The following IDH2 variants were observed in gnomAD, a reference collection of about 807,000 sequenced individuals.
IDH2 encodes the protein isocitrate dehydrogenase [NADP], mitochondrial.
A neutral mutation model predicts 50.5 loss-of-function variants in IDH2; 18 were observed. The observed-to-expected ratio is 0.36, with a 90% CI of 0.25 to 0.53. IDH2 has a LOEUF of 0.53. Among genes scored for constraint, IDH2 ranks in the 20% least tolerant of loss-of-function variants. The pLI is 0.92. For synonymous variants in IDH2, 280 were observed against 239.8 expected (o/e 1.17, Z -1.55); for missense variants, 518 against 610.7 (o/e 0.85, Z 1.60).
chr15:90,084,487 G>A lies in IDH2; in HGVS notation c.1272-134C>T. The A allele has an allele frequency of 1.2e-6, 1 of 823,048 alleles. No homozygotes were observed. The highest frequency in any genetic ancestry group is 2.0e-6 in the Non-Finnish European group (1 of 495,960). 51.0% of individuals were successfully genotyped at this position (823,048 alleles called of 1,614,324 possible). ...CCTGCCACCCAGACTACAGGCCAGA[G>A]GCCAGCTATAGCCCCCTACCATGAG... On this transcript the variant is annotated intron_variant, in intron 10 of 10. Coordinates refer to ENST00000330062, the MANE Select transcript of IDH2 (RefSeq NM_002168.4). This position sits in a 1 kb window ranked among gnomAD's most constrained non-coding sequence, Gnocchi z 5.0.
intron 1 of IDH2, among the ~76,000 whole-genome samples, chr15:90,093,785 A>T (rs1481633665): frequency 1.3e-5 from 2 of 151,964 alleles, no homozygotes; most frequent in African/African-American, 4.8e-5. Flanking sequence ...AGGCCCGGCT[A>T]ATTTTTGTAT....
At position 90,087,552 on chromosome 15, in the gene IDH2, G is replaced by A. The variant is rs1217522023; in HGVS notation, c.702C>T (p.Ser234=). ...TDESISGFAH[S]CFQYAIQKKW... ...TCTTCTGGATGGCATACTGGAAGCA[G>A]CTGTGCGCAAAACCTGAGATGGACT... Residue 234 remains serine (S), a synonymous_variant, in exon 6 of 11, where the codon AGC becomes AGT. Transcript: ENST00000330062. 6.2e-7 allele frequency: 1 copy of A among 1,613,770 alleles called. No homozygotes were observed. Among genetic ancestry groups the A allele is most frequent in the Non-Finnish European group, 8.5e-7 (1 of 1,180,046 alleles).
At chr15:90,089,930 G>A (rs1239173322) in intron 3 of IDH2, among the ~76,000 whole-genome samples, 1 of 152,206 alleles carries the variant, frequency 6.6e-6, no homozygotes, top group Non-Finnish European at 1.5e-5. Context: ...CAACAGCAAT[G>A]TTCCCCAGAG....
At chr15:90,090,378 C>T (rs976520537) in intron 3 of IDH2, 101 bp downstream of exon 3, 77 of 1,317,166 alleles carry the variant, frequency 5.8e-5, no homozygotes, top group Non-Finnish European at 6.7e-5. Flanking sequence ...CTCCCAGTCC[C>T]GAGATGAGTG....
At position 90,098,780 on chromosome 15, in the gene IDH2, C is replaced by G. The variant is rs933315373; in HGVS notation, c.115+3496G>C. On this transcript the variant is annotated intron_variant, in intron 1 of 10. Transcript: ENST00000330062. This position sits in a 1 kb window ranked among gnomAD's most constrained non-coding sequence, Gnocchi z 5.1. Reference sequence around the variant, plus strand: ...GCAGGTCTCGAACTCCTGGCCCCAACTGATCCGCCTGCTTCGGCCTCCCAA... The same window carrying G: ...GCAGGTCTCGAACTCCTGGCCCCAAGTGATCCGCCTGCTTCGGCCTCCCAA... Among the ~76,000 whole-genome samples the G allele has an allele frequency of 3.9e-5, 6 of 152,174 alleles. No homozygotes were observed. The highest frequency in any genetic ancestry group is 1.4e-4 in the African/African-American group (6 of 41,430).
In IDH2 at chr15:90,100,425, A is replaced by G. The variant is rs1901298423; in HGVS notation, c.115+1851T>C. Among the ~76,000 whole-genome samples the G allele has an allele frequency of 6.6e-6, 1 of 152,170 alleles. No individual in the cohort carries two copies. Among genetic ancestry groups the G allele is most frequent in the South Asian group, 2.1e-4 (1 of 4,824 alleles). ...CCCAATCAGCTCTGGCAGGGCAGCT[A>G]GGGCCTTATCTGACGTGGCAGAAAG... On this transcript the variant is annotated intron_variant, in intron 1 of 10. Coordinates refer to ENST00000330062, the MANE Select transcript of IDH2 (RefSeq NM_002168.4). This position sits in a 1 kb window ranked among gnomAD's most constrained non-coding sequence, Gnocchi z 4.1.
At chr15:90,099,340 C>G (rs1292116416) in intron 1 of IDH2, among the ~76,000 whole-genome samples, 1 of 152,196 alleles carries the variant, frequency 6.6e-6, no homozygotes, top group African/African-American at 2.4e-5. Context: ...AGTCCCTCTT[C>G]CCCCAATACC....
intron 2 of IDH2, among the ~76,000 whole-genome samples, chr15:90,090,874 G>A (rs888640049): frequency 2.6e-5 from 4 of 152,172 alleles, no homozygotes; most frequent in Non-Finnish European, 4.4e-5. Flanking sequence ...AGGCCAGGCC[G>A]CAGTCTTTTG....
chr15:90,088,279 A>G, intron 5 of IDH2, 80 bp downstream of exon 5: 1 of 1,563,360 alleles, frequency 6.4e-7, no homozygotes, highest in Admixed American at 1.7e-5. Flanking sequence ...AGGCCATTAC[A>G]GAAGAAAGGA....
intron 1 of IDH2, among the ~76,000 whole-genome samples, chr15:90,092,561 A>G (rs933248454): frequency 2.7e-5 from 4 of 148,722 alleles, no homozygotes; most frequent in Non-Finnish European, 5.9e-5. Flanking sequence ...GCATGCCACC[A>G]CACCCAGCTA....
Position 90,090,493 on chromosome 15 carries a change from T to C in IDH2, c.359A>G (p.Glu120Gly), listed in dbSNP as rs2151551220. The change falls in exon 3 of 11, where the codon GAG (glutamate) becomes GGG (glycine). Residue 120 changes from glutamate (E) to glycine (G), a missense_variant. This residue lies in a region of IDH2 where 68 missense variants were observed against 109.7 expected (regional missense o/e 0.62). Coordinates refer to ENST00000330062, the MANE Select transcript of IDH2 (RefSeq NM_002168.4). ...CACCCTCGCACCTTCCACACGGGCC[T>C]CATCAGGGGTGATGGTGGCACACTT... ...AVKCATITPDEARVEEFKLKK... is the reference protein window; with the variant it reads ...AVKCATITPDGARVEEFKLKK... 1 of 1,613,570 alleles carries C rather than the reference T, an allele frequency of 6.2e-7. No individual in the cohort carries two copies. Among genetic ancestry groups the C allele is most frequent in the South Asian group, 1.1e-5 (1 of 91,034 alleles).
intron 2 of IDH2, 99 bp downstream of exon 2, chr15:90,091,452 CGG>C (rs11316815): frequency 2.7e-5 from 23 of 862,418 alleles, no homozygotes; most frequent in Non-Finnish European, 4.0e-5. Context: ...ACCAGGACAA[CGG>C]GGGGGTCCTA....
At chr15:90,091,392 GA>G (rs1352201665) in intron 2 of IDH2, among the ~76,000 whole-genome samples, 160 bp downstream of exon 2, 1 of 152,192 alleles carries the variant, frequency 6.6e-6, no homozygotes, top group Non-Finnish European at 1.5e-5. Context: ...TAGTGGACCA[GA>G]TGTGAAAGAA....
At chr15:90,102,108 G>A (rs1026231083) in intron 1 of IDH2, among the ~76,000 whole-genome samples, 168 bp downstream of exon 1, 5 of 151,840 alleles carry the variant, frequency 3.3e-5, no homozygotes, top group African/African-American at 1.2e-4. Context: ...GCCGGGAAGC[G>A]CCGGGCGGGG....
chr15:90,096,709 T>C (rs1269466558), intron 1 of IDH2, among the ~76,000 whole-genome samples: 3 of 151,962 alleles, frequency 2.0e-5, no homozygotes, highest in Non-Finnish European at 4.4e-5. Context: ...GGTCAGAAGA[T>C]CGAGACCATC....
rs1596074779 is a variant in IDH2, at chr15:90,088,713, A to G, written c.408T>C (p.Asn136=). ...CCCCCAGGATGTTCCGGATAGTTCC[A>G]TTGGGACTTTTCCACATCTTCTTCA... ...FKLKKMWKSP[N]GTIRNILGGT... Residue 136 remains asparagine (N), a synonymous_variant, in exon 4 of 11, where the codon AAT becomes AAC. Transcript: ENST00000330062. The G allele has an allele frequency of 6.2e-7, 1 of 1,613,958 alleles. No individual in the cohort carries two copies. The highest frequency in any genetic ancestry group is 1.3e-5 in the African/African-American group (1 of 74,880).
rs751677526 is a variant in IDH2, at chr15:90,085,078, G to A, written c.1101C>T (p.Asn367=). 8.5e-5 allele frequency: 137 copies of A among 1,613,822 alleles called. No homozygotes were observed. The highest frequency in any genetic ancestry group is 3.3e-4 in the Middle Eastern group (2 of 6,080). ...TCCAGGCAAAGATGCTGGCGATGGG[G>A]TTGGTGCTGGTGGGCCGGCCCTGGG... ...EHQKGRPTST[N]PIASIFAWTR... is the part of the protein sequence containing the mutation. The change falls in exon 9 of 11, where the codon AAC becomes AAT. Residue 367 remains asparagine, a synonymous_variant. Transcript: ENST00000330062. The surrounding 1 kb of genome is among the most constrained non-coding windows in gnomAD (Gnocchi z 5.5).
chr15:90,085,651 C>T lies in IDH2; in HGVS notation c.968-264G>A, dbSNP rs776525367. 4.6e-5 allele frequency among the ~76,000 whole-genome samples: 7 copies of T among 152,164 alleles called. No individual in the cohort carries two copies. The highest frequency in any genetic ancestry group is 5.9e-5 in the Non-Finnish European group (4 of 68,014). On this transcript the variant is annotated intron_variant, in intron 7 of 10. Transcript: ENST00000330062. The surrounding 1 kb of genome is among the most constrained non-coding windows in gnomAD (Gnocchi z 5.5). ...ATCCATCTGTGTCACCAGCTCCAGGCGCCCCACAGCCTGTGGCCCACAGGG... is the reference window on the plus strand; with the variant it reads ...ATCCATCTGTGTCACCAGCTCCAGGTGCCCCACAGCCTGTGGCCCACAGGG...
Position 90,085,452 on chromosome 15 carries a change from C to T in IDH2, c.968-65G>A. On this transcript the variant is annotated intron_variant, in intron 7 of 10. Transcript: ENST00000330062. This position sits in a 1 kb window ranked among gnomAD's most constrained non-coding sequence, Gnocchi z 5.5. ...CCTGGGGCCACCCAGCTGAGCCCTGCTGCCCTCTACAACCCAATATTGTAG... is the reference window on the plus strand; with the variant it reads ...CCTGGGGCCACCCAGCTGAGCCCTGTTGCCCTCTACAACCCAATATTGTAG... 1 of 1,117,062 alleles carries T rather than the reference C, an allele frequency of 9.0e-7. No individual in the cohort carries two copies. Among genetic ancestry groups the T allele is most frequent in the Non-Finnish European group, 1.3e-6 (1 of 754,660 alleles). The allele number at this position is 1,117,062 out of a possible 1,614,324, so 69.2% of individuals were successfully genotyped here.
Sources: allele counts gnomAD v4.1 joint callset (sites outside exome capture counted in the v4.1 genomes callset), GRCh38; gene constraint gnomAD v4.1.1; regional missense constraint gnomAD v4.1.1; non-coding constraint Gnocchi (gnomAD v3.1); transcripts MANE v1.5; gene names NCBI Gene and HGNC (gene_info 2026-07-23, HGNC 2026-07-21).